Variants in LRP6 observed in about 807,000 individuals in gnomAD.
LRP6 encodes the protein LDL receptor related protein 6, also known as low-density lipoprotein receptor-related protein 6.
Under a neutral mutation model 184.1 loss-of-function variants are expected in LRP6, and 43 were observed. The observed-to-expected ratio is 0.23, with a 90% CI of 0.18 to 0.30. The LOEUF (loss-of-function observed/expected upper bound fraction) is 0.30, where lower values mean the gene tolerates loss of function less well. Among genes scored for constraint, LRP6 ranks in the 10% least tolerant of loss-of-function variants. The pLI is 1.00. For missense variants in LRP6, 1,571 were observed against 2,005.3 expected (o/e 0.78, Z 4.14); for synonymous variants, 719 against 684.9 (o/e 1.05, Z -0.78).
intron 13 of LRP6, among the ~76,000 whole-genome samples, chr12:12,150,005 C>T (rs1215145618): frequency 1.3e-5 from 2 of 152,068 alleles, no homozygotes; most frequent in African/African-American, 4.8e-5. Flanking sequence ...AAATATATTA[C>T]CTCCTTGGTC....
At chr12:12,174,601 A>G (rs931588902) in intron 7 of LRP6, among the ~76,000 whole-genome samples, 8 of 152,234 alleles carry the variant, frequency 5.3e-5, no homozygotes, top group Non-Finnish European at 4.4e-5. Context: ...AGGTTCCTAT[A>G]TGTTTTTAAC....
intron 10 of LRP6, among the ~76,000 whole-genome samples, chr12:12,161,278 T>A (rs1862734983): frequency 6.6e-6 from 1 of 152,194 alleles, no homozygotes; most frequent in Admixed American, 6.5e-5. Flanking sequence ...ACTTCTTTTT[T>A]TTTTTCCAAG....
At chr12:12,186,791 AT>A (rs1863487097) in intron 4 of LRP6, 131 bp downstream of exon 4, 4 of 850,458 alleles carry the variant, frequency 4.7e-6, no homozygotes, top group Non-Finnish European at 7.8e-6. Context: ...CCCAAGTAGG[AT>A]TTTAACTCTT....
At chr12:12,260,414 C>T (rs981761790) in intron 1 of LRP6, among the ~76,000 whole-genome samples, 1 of 151,826 alleles carries the variant, frequency 6.6e-6, no homozygotes, top group Non-Finnish European at 1.5e-5. Flanking sequence ...AGTGTCATTC[C>T]GTTTTATATC....
At chr12:12,230,470 A>G (rs1356728593) in intron 2 of LRP6, among the ~76,000 whole-genome samples, 1 of 152,208 alleles carries the variant, frequency 6.6e-6, no homozygotes, top group African/African-American at 2.4e-5. Context: ...GTAATTACAT[A>G]CACAGGTGAC....
chr12:12,172,368 C>T (rs1863069509), intron 7 of LRP6, among the ~76,000 whole-genome samples: 1 of 152,198 alleles, frequency 6.6e-6, no homozygotes, highest in Non-Finnish European at 1.5e-5. Context: ...ACATCACATC[C>T]AGTTTTTGAG....
At chr12:12,169,267 T>C (rs996582596) in intron 7 of LRP6, among the ~76,000 whole-genome samples, 4 of 145,958 alleles carry the variant, frequency 2.7e-5, no homozygotes, top group East Asian at 1.9e-4. Flanking sequence ...TAAATAAAAG[T>C]ATGCCCGCAG....
At chr12:12,235,679 G>A (rs537186490) in intron 2 of LRP6, among the ~76,000 whole-genome samples, 18 of 150,690 alleles carry the variant, frequency 1.2e-4, no homozygotes, top group African/African-American at 3.7e-4. Flanking sequence ...GCAGTGAGCC[G>A]AGATCGCGCC....
intron 2 of LRP6, among the ~76,000 whole-genome samples, chr12:12,234,528 A>G (rs914210700): frequency 3.9e-5 from 6 of 151,934 alleles, no homozygotes; most frequent in Admixed American, 1.3e-4. Context: ...AGAAAAGAAG[A>G]TTATAAGAAT....
At chr12:12,232,103 G>A (rs117270679) in intron 2 of LRP6, among the ~76,000 whole-genome samples, 2 of 152,156 alleles carry the variant, frequency 1.3e-5, no homozygotes, top group East Asian at 3.9e-4. Flanking sequence ...TAAGTGGTCG[G>A]CTGGGCACGG....
At chr12:12,135,051 G>C in intron 17 of LRP6, 124 bp downstream of exon 17, 1 of 1,355,444 alleles carries the variant, frequency 7.4e-7, no homozygotes, top group Non-Finnish European at 1.0e-6. Flanking sequence ...CAAATGAATG[G>C]AACACACGCA....
In LRP6 at chr12:12,149,170, A is replaced by G; in HGVS notation, c.2995-17T>C. 1 of 1,607,796 alleles carries G rather than the reference A, an allele frequency of 6.2e-7. No individual in the cohort carries two copies. The highest frequency in any genetic ancestry group is 1.1e-5 in the South Asian group (1 of 90,950). On this transcript the variant is annotated splice_polypyrimidine_tract_variant and intron_variant, in intron 13 of 22. Transcript: ENST00000261349. ...AGTAAAGCCCTAGGGAAAAAAAGAA[A>G]TACAGAGAAAATTAAACTCCAGGGG...
Position 12,116,505 on chromosome 12 carries a change from G to C in LRP6, c.*4621C>G, listed in dbSNP as rs529891223. On this transcript the variant is annotated 3_prime_UTR_variant, in exon 23 of 23. Coordinates refer to ENST00000261349, the MANE Select transcript of LRP6 (RefSeq NM_002336.3). ...CTTTAATACCCATATTTAGGCATTA[G>C]ATATATAGAATATGTATCTATATAT... The C allele has an allele frequency of 6.6e-6, 1 of 152,196 alleles. No homozygotes were observed. The highest frequency in any genetic ancestry group is 1.9e-4 in the East Asian group (1 of 5,186). 9.4% of individuals were successfully genotyped at this position (152,196 alleles called of 1,614,324 possible). A position where few individuals can be genotyped will look rare whatever the true frequency, so the allele number is the denominator to read the frequency against.
Position 12,159,100 on chromosome 12 carries a change from C to T in LRP6, c.2520G>A (p.Gln840=). Residue 840 remains glutamine (Q), a synonymous_variant, in exon 12 of 23, where the codon CAG becomes CAA. Transcript: ENST00000261349. The part of the protein sequence containing the change: ...DDLPHPFGLT[Q]YQDYIYWTDW... The stretch of plus-strand genomic sequence containing the variant: ...CCGTCCAGTAGATATAATCTTGGTA[C>T]TGAGTTAAGCCAAAAGGATGAGGCA... 3.7e-6 allele frequency: 6 copies of T among 1,614,144 alleles called. No homozygotes were observed. The highest frequency in any genetic ancestry group is 5.1e-6 in the Non-Finnish European group (6 of 1,180,024).
In LRP6 at chr12:12,179,948, C is replaced by T. The variant is rs1362123179; in HGVS notation, c.1407G>A (p.Pro469=). 21 of 1,613,734 alleles carry T rather than the reference C, an allele frequency of 1.3e-5. No individual in the cohort carries two copies. Among genetic ancestry groups the T allele is most frequent in the Admixed American group, 5.0e-5 (3 of 59,996 alleles). The change falls in exon 7 of 23, where the codon CCG becomes CCA. Residue 469 remains proline (P), a synonymous_variant. Coordinates refer to ENST00000261349, the MANE Select transcript of LRP6 (RefSeq NM_002336.3). ...CATCCAGAGCTGCTCGCTCAATTTT[C>T]GGAATTTCTCCCCAGTCAGTCCAAT... is the stretch of plus-strand genomic sequence containing the variant. ...YMYWTDWGEI[P]KIERAALDGS...
chr12:12,206,714 C>T (rs1265141637), intron 2 of LRP6, among the ~76,000 whole-genome samples: 1 of 151,756 alleles, frequency 6.6e-6, no homozygotes, highest in African/African-American at 2.4e-5. Flanking sequence ...TCAAGAACAG[C>T]CTGAGCAACA....
At chr12:12,193,713 C>A (rs1565628601) in intron 3 of LRP6, among the ~76,000 whole-genome samples, 1 of 151,962 alleles carries the variant, frequency 6.6e-6, no homozygotes, top group Non-Finnish European at 1.5e-5. Flanking sequence ...AGATCTACAA[C>A]AAACAAGGAA....
At chr12:12,155,301 G>T in intron 12 of LRP6, 1 of 753,958 alleles carries the variant, frequency 1.3e-6, no homozygotes, top group Non-Finnish European at 2.4e-6. Context: ...CACCCGATAC[G>T]TGTTCTCTAG....
At chr12:12,246,070 T>C (rs1412506577) in intron 1 of LRP6, among the ~76,000 whole-genome samples, 1 of 145,834 alleles carries the variant, frequency 6.9e-6, no homozygotes, top group Non-Finnish European at 1.5e-5. Context: ...TGGCACGATC[T>C]CAGCTCACTG....
Sources: allele counts gnomAD v4.1 joint callset (sites outside exome capture counted in the v4.1 genomes callset), GRCh38; gene constraint gnomAD v4.1.1; transcripts MANE v1.5; gene names NCBI Gene and HGNC (gene_info 2026-07-23, HGNC 2026-07-21).